RTN4: variants seen among roughly 807,000 people sequenced by gnomAD.
The protein encoded by RTN4 is reticulon-4.
Under a neutral mutation model 90.4 loss-of-function variants are expected in RTN4, and 32 were observed. The ratio of observed to expected loss-of-function variants is 0.35; its 90% confidence interval spans 0.27 to 0.48. The LOEUF (loss-of-function observed/expected upper bound fraction) is 0.48. Among genes scored for constraint, RTN4 ranks in the 20% least tolerant of loss-of-function variants. The pLI is 0.99. For missense variants in RTN4, 1,706 were observed against 1,430.2 expected, an observed-to-expected ratio of 1.19 and a Z score of -3.11; for synonymous variants, 629 against 552.5, an observed-to-expected ratio of 1.14 and a Z score of -1.94.
At chr2:55,032,645 G>A (rs1206649822) in intron 1 of RTN4, among the ~76,000 whole-genome samples, 8 of 152,050 alleles carry the variant, frequency 5.3e-5, no homozygotes, top group African/African-American at 9.7e-5. Context: ...AACACAACAA[G>A]GGAAAAGGGC....
chr2:54,992,651 T>C (rs1282375197), intron 3 of RTN4, among the ~76,000 whole-genome samples: 2 of 152,092 alleles, frequency 1.3e-5, no homozygotes, highest in Non-Finnish European at 2.9e-5. Flanking sequence ...GGTATATTTA[T>C]GCAAGAGAAA....
chr2:55,087,455 A>C (rs144205259), intron 1 of RTN4, among the ~76,000 whole-genome samples: 11 of 152,304 alleles, frequency 7.2e-5, no homozygotes, highest in Admixed American at 2.0e-4. Flanking sequence ...ATGTTTTCAA[A>C]ACTTCATAGA....
At chr2:55,114,621 C>G (rs1417839385), upstream of RTN4, among the ~76,000 whole-genome samples, 1 of 152,160 alleles carries the variant, frequency 6.6e-6, no homozygotes, top group Non-Finnish European at 1.5e-5. Context: ...ATTGCTTGAA[C>G]CCAGGAGGTG....
intron 1 of RTN4, among the ~76,000 whole-genome samples, chr2:55,095,303 G>A (rs1459717271): frequency 2.0e-5 from 3 of 151,286 alleles, no homozygotes; most frequent in African/African-American, 7.3e-5. Context: ...TAGTCTGGGC[G>A]ACAGAGTGAG....
rs766460673 is a variant in RTN4 at position 55,025,388 on chromosome 2, G to A, written c.2711C>T (p.Pro904Leu). Residue 904 changes from proline (P) to leucine (L), a missense_variant, in exon 3 of 9, where the codon CCG becomes CTG. By Grantham distance (98) the Pro-to-Leu change is moderately conservative. Transcript: ENST00000337526. ...GCAAGGCAATGACCCAGCTCCATCC[G>A]GGGCATTAGCAATTTCACTTTTGTG... ...VSHKSEIANAPDGAGSLPCTE... is the reference protein window; with the variant it reads ...VSHKSEIANALDGAGSLPCTE... 21 of 1,613,776 alleles carry A rather than the reference G, an allele frequency of 1.3e-5. No homozygotes were observed. Among genetic ancestry groups the A allele is most frequent in the Middle Eastern group, 3.3e-4 (2 of 6,078 alleles).
the RTN4 span, among the ~76,000 whole-genome samples, chr2:55,136,046 C>A: frequency 6.6e-6 from 1 of 152,186 alleles, no homozygotes; most frequent in African/African-American, 2.4e-5. Context: ...GTTAAACTGT[C>A]TCTCTAAAAT....
intron 3 of RTN4, among the ~76,000 whole-genome samples, chr2:55,001,783 C>T (rs1316075739): frequency 1.3e-5 from 2 of 152,172 alleles, no homozygotes; most frequent in Non-Finnish European, 2.9e-5. Flanking sequence ...TTTTAAACCA[C>T]TGAACATTTT....
Position 54,982,652 on chromosome 2 carries a change from C to G in RTN4, c.3223G>C (p.Ala1075Pro). The G allele has an allele frequency of 1.2e-6, 2 of 1,601,714 alleles. No homozygotes were observed. The highest frequency in any genetic ancestry group is 1.7e-6 in the Non-Finnish European group (2 of 1,175,606). ...QKSDEGHPFR[A>P]YLESEVAISE... ...ATAGCAACTTCAGATTCCAGATATG[C>G]CCTAGAAAACAAAACACATCATAAT... Residue 1075 changes from alanine (A) to proline (P), a missense_variant and splice_region_variant, in exon 5 of 9, where the codon GCA becomes CCA. Physicochemically the swap from Ala to Pro is conservative, Grantham distance 27. Transcript: ENST00000337526.
chr2:55,113,103 G>A (rs1161428905), upstream of RTN4, among the ~76,000 whole-genome samples: 1 of 152,220 alleles, frequency 6.6e-6, no homozygotes, highest in African/African-American at 2.4e-5. Flanking sequence ...GTGTGAGAAG[G>A]AGGAAGACCG....
chr2:55,106,741 A>G (rs1667950873), intron 1 of RTN4, among the ~76,000 whole-genome samples: 1 of 152,030 alleles, frequency 6.6e-6, no homozygotes, highest in Non-Finnish European at 1.5e-5. Flanking sequence ...GCTGGTCTCG[A>G]ACACCTGACC....
intron 3 of RTN4, among the ~76,000 whole-genome samples, chr2:55,002,351 G>T (rs146811569): frequency 2.1e-3 from 322 of 152,304 alleles, no homozygotes; most frequent in African/African-American, 7.3e-3. Flanking sequence ...GAGCTACAAG[G>T]CCCAGCCAGT....
intron 1 of RTN4, among the ~76,000 whole-genome samples, chr2:55,107,271 C>G (rs1184222310): frequency 1.3e-5 from 2 of 151,138 alleles, no homozygotes; most frequent in African/African-American, 4.9e-5. Context: ...CTTGTATTGG[C>G]ATAATCAGTG....
intron 1 of RTN4, among the ~76,000 whole-genome samples, chr2:55,035,628 A>G (rs914174567): frequency 1.3e-5 from 2 of 151,902 alleles, no homozygotes; most frequent in African/African-American, 4.8e-5. Context: ...AACAGATTAA[A>G]AAAAAAAATC....
chr2:55,124,339 A>G, the RTN4 span, among the ~76,000 whole-genome samples: 6 of 152,370 alleles, frequency 3.9e-5, no homozygotes, highest in African/African-American at 1.4e-4. Flanking sequence ...TCACAGGGAC[A>G]CTTAACCAAG....
intron 2 of RTN4, among the ~76,000 whole-genome samples, chr2:55,059,522 T>C (rs1428372650): frequency 6.6e-6 from 1 of 151,976 alleles, no homozygotes; most frequent in African/African-American, 2.4e-5. Flanking sequence ...CCTGGCTAAT[T>C]TTTGTATATT....
chr2:55,081,673 G>C (rs1463036211), intron 1 of RTN4, among the ~76,000 whole-genome samples: 1 of 151,888 alleles, frequency 6.6e-6, no homozygotes, highest in Non-Finnish European at 1.5e-5. Context: ...GACCAGCCTG[G>C]GTAATATAAT....
chr2:55,129,578 T>C, the RTN4 span, among the ~76,000 whole-genome samples: 6 of 68,552 alleles, frequency 8.8e-5, no homozygotes, highest in South Asian at 4.1e-4. Context: ...AGCAAGACTG[T>C]TTTTTTTTTG....
intron 3 of RTN4, among the ~76,000 whole-genome samples, chr2:55,004,194 C>T (rs768986385): frequency 6.6e-6 from 1 of 152,134 alleles, no homozygotes; most frequent in Non-Finnish European, 1.5e-5. Flanking sequence ...CAACTGCCTG[C>T]CTTTTTTATT....
At chr2:54,998,185 T>C (rs1573338030) in intron 3 of RTN4, among the ~76,000 whole-genome samples, 1 of 138,290 alleles carries the variant, frequency 7.2e-6, no homozygotes, top group Admixed American at 7.5e-5. Flanking sequence ...TGTCAGGGGC[T>C]GGGGAAAAAG....
Sources: gnomAD v4.1 joint callset for allele counts (sites outside exome capture counted in the v4.1 genomes callset) on GRCh38, gnomAD v4.1.1 for gene constraint, MANE v1.5 for transcripts, NCBI Gene and HGNC (gene_info 2026-07-23, HGNC 2026-07-21) for gene names.